FHIT: variants seen among roughly 807,000 people sequenced by gnomAD.
FHIT encodes the protein fragile histidine triad diadenosine triphosphatase, also known as bis(5'-adenosyl)-triphosphatase.
Under a neutral mutation model 17.9 loss-of-function variants are expected in FHIT, and 19 were observed. That is an observed-to-expected ratio of 1.06 (90% CI 0.74 to 1.56). FHIT has a LOEUF of 1.56. FHIT is among the 40% of genes most tolerant of loss of function. The probability of loss-of-function intolerance (pLI) is 0.00; values close to 1 mark genes in which losing one functional copy is unlikely to be tolerated. For synonymous variants in FHIT, 81 were observed against 69.7 expected (o/e 1.16, Z -0.81); for missense variants, 248 against 189.2 (o/e 1.31, Z -1.82).
At chr3:59,778,024 T>G (rs1176864552) in intron 8 of FHIT, among the ~76,000 whole-genome samples, 1 of 152,236 alleles carries the variant, frequency 6.6e-6, no homozygotes, top group East Asian at 1.9e-4. Flanking sequence ...TTCATTTCCT[T>G]CTCACTCTCT....
chr3:59,855,268 A>G (rs1559665985), intron 8 of FHIT, among the ~76,000 whole-genome samples: 1 of 152,150 alleles, frequency 6.6e-6, no homozygotes, highest in Non-Finnish European at 1.5e-5. Flanking sequence ...CATATAAACC[A>G]ACAGCTTTGA....
At chr3:60,258,102 C>CACACACA (rs1559767638) in intron 5 of FHIT, among the ~76,000 whole-genome samples, 1 of 85,396 alleles carries the variant, frequency 1.2e-5, no homozygotes, top group African/African-American at 4.0e-5. Context: ...ACACACACAC[C>CACACACA]TCTGCAGATT....
At chr3:60,306,344 A>G (rs1364264605) in intron 5 of FHIT, among the ~76,000 whole-genome samples, 1 of 152,180 alleles carries the variant, frequency 6.6e-6, no homozygotes, top group East Asian at 1.9e-4. Flanking sequence ...TGGTGACTTT[A>G]GTCCCAATTT....
At chr3:60,881,621 CAA>C (rs782325471) in intron 3 of FHIT, among the ~76,000 whole-genome samples, 1 of 152,074 alleles carries the variant, frequency 6.6e-6, no homozygotes, top group East Asian at 1.9e-4. Flanking sequence ...AAATCAATAA[CAA>C]GAGGGACTTT....
chr3:60,647,628 G>A (rs2039892074), intron 4 of FHIT, among the ~76,000 whole-genome samples: 1 of 152,132 alleles, frequency 6.6e-6, no homozygotes, highest in Non-Finnish European at 1.5e-5. Flanking sequence ...CTTGCCAAAA[G>A]AAGAAAAACA....
At chr3:60,444,639 G>C (rs1031831696) in intron 5 of FHIT, among the ~76,000 whole-genome samples, 20 of 151,998 alleles carry the variant, frequency 1.3e-4, no homozygotes, top group African/African-American at 4.4e-4. Context: ...GCTGGGAATT[G>C]AACAATGAGA....
intron 4 of FHIT, among the ~76,000 whole-genome samples, chr3:60,709,022 T>C (rs1307133057): frequency 6.6e-6 from 1 of 152,170 alleles, no homozygotes; most frequent in African/African-American, 2.4e-5. Context: ...TTAGAGAATG[T>C]TTCTCTAGGT....
intron 5 of FHIT, among the ~76,000 whole-genome samples, chr3:60,176,015 G>C (rs1701652594): frequency 6.6e-6 from 1 of 152,162 alleles, no homozygotes; most frequent in Non-Finnish European, 1.5e-5. Context: ...TGAAAGACGA[G>C]TTTTAAATAT....
chr3:60,621,650 G>T (rs377197649), intron 4 of FHIT, among the ~76,000 whole-genome samples: 5 of 152,024 alleles, frequency 3.3e-5, no homozygotes, highest in African/African-American at 1.2e-4. Context: ...CACACTTTTG[G>T]CTTTCCAGAG....
Position 60,418,399 on chromosome 3 carries a change from TATATATATATATATATATATATATATAC to T in FHIT, c.103+118433_103+118460del, listed in dbSNP as rs1336601629. Among the ~76,000 whole-genome samples the T allele has an allele frequency of 4.6e-4, 59 of 127,780 alleles. 3 individuals carry two copies. In the South Asian group the frequency reaches 6.3e-3, roughly 14 times the overall value. The allele number at this position is 127,780 out of a possible 152,430, so 83.8% of individuals were successfully genotyped here. ...GTGTATATATATATATATATATATA[TATATATATATATATATATATATATATAC>T]GTGTATACACACACACCACAGACGA... On this transcript the variant is annotated intron_variant, in intron 5 of 9. Transcript: ENST00000492590.
At chr3:60,587,763 A>G (rs1272968420) in intron 4 of FHIT, among the ~76,000 whole-genome samples, 1 of 152,024 alleles carries the variant, frequency 6.6e-6, no homozygotes, top group African/African-American at 2.4e-5. Context: ...GCCAGGCACT[A>G]TGCTAGGCTG....
At chr3:60,472,509 C>T (rs1453428331) in intron 5 of FHIT, among the ~76,000 whole-genome samples, 3 of 151,886 alleles carry the variant, frequency 2.0e-5, no homozygotes, top group Non-Finnish European at 4.4e-5. Context: ...GCTGGGACTA[C>T]AGGCACCTGC....
At chr3:60,595,611 ATGTGTGTATGTATATATG>A (rs1348436697) in intron 4 of FHIT, among the ~76,000 whole-genome samples, 3 of 129,054 alleles carry the variant, frequency 2.3e-5, no homozygotes, top group African/African-American at 1.1e-4. Context: ...GTGTAGATAT[ATGTGTGTATGTATATATG>A]TGTGTGTGTG....
At position 60,066,630 on chromosome 3, in the gene FHIT, A is replaced by ATTTTTTTTTTTTTTTT. The variant is rs71089574; in HGVS notation, c.104-52494_104-52479dup. 1.8e-4 allele frequency among the ~76,000 whole-genome samples: 9 copies of ATTTTTTTTTTTTTTTT among 51,422 alleles called. 1 individual carries two copies. The highest frequency in any genetic ancestry group is 2.2e-4 in the Non-Finnish European group (6 of 27,696). The allele number at this position is 51,422 out of a possible 152,430, so 33.7% of individuals were successfully genotyped here. ...ATAGGTTGATTTTAATCCCTGACAA[A>ATTTTTTTTTTTTTTTT]TTTTTTTTTTTTTTTTTTTTTTTTT... On this transcript the variant is annotated intron_variant, in intron 5 of 9. Transcript: ENST00000492590.
intron 7 of FHIT, among the ~76,000 whole-genome samples, chr3:59,975,035 T>G (rs910364634): frequency 3.3e-5 from 5 of 152,158 alleles, no homozygotes; most frequent in African/African-American, 1.2e-4. Flanking sequence ...CATATTTTAC[T>G]TATTTTTTTG....
At chr3:61,242,126 A>G (rs939031747) in intron 1 of FHIT, among the ~76,000 whole-genome samples, 1 of 152,166 alleles carries the variant, frequency 6.6e-6, no homozygotes, top group African/African-American at 2.4e-5. Flanking sequence ...AAATATAAAT[A>G]CTCAAATATA....
intron 3 of FHIT, among the ~76,000 whole-genome samples, chr3:60,955,604 AT>A (rs1559862147): frequency 1.0e-4 from 1 of 9,976 alleles, no homozygotes; most frequent in Non-Finnish European, 3.1e-4. Flanking sequence ...ATACATATAT[AT>A]ATATATATAT....
At chr3:60,642,943 T>C (rs574747824) in intron 4 of FHIT, among the ~76,000 whole-genome samples, 6 of 152,214 alleles carry the variant, frequency 3.9e-5, no homozygotes, top group South Asian at 2.1e-4. Context: ...CCCTAAGACA[T>C]ACTGTCATAG....
chr3:60,795,858 G>C (rs1248593841), intron 4 of FHIT, among the ~76,000 whole-genome samples: 1 of 152,128 alleles, frequency 6.6e-6, no homozygotes, highest in Admixed American at 6.6e-5. Flanking sequence ...TTTTGAGTAA[G>C]TGAATTTCAT....
Sources: gnomAD v4.1 joint callset for allele counts (sites outside exome capture counted in the v4.1 genomes callset) on GRCh38, gnomAD v4.1.1 for gene constraint, MANE v1.5 for transcripts, NCBI Gene and HGNC (gene_info 2026-07-23, HGNC 2026-07-21) for gene names.